Variants in CSGALNACT1 observed in about 807,000 individuals in gnomAD.
CSGALNACT1 encodes beta4GalNAcT-1.
A neutral mutation model predicts 51.0 loss-of-function variants in CSGALNACT1; 52 were observed. The observed-to-expected ratio is 1.02, with a 90% CI of 0.82 to 1.29. CSGALNACT1 has a LOEUF of 1.29. Among genes scored for constraint, CSGALNACT1 ranks in the 50% most tolerant of loss-of-function variants. The probability of loss-of-function intolerance (pLI) is 0.00; values close to 1 mark genes in which losing one functional copy is unlikely to be tolerated. For synonymous variants in CSGALNACT1, 341 were observed against 254.4 expected (o/e 1.34, Z -3.24); for missense variants, 935 against 679.2 (o/e 1.38, Z -4.19).
chr8:19,623,485 G>A (rs1029545641), intron 1 of CSGALNACT1, among the ~76,000 whole-genome samples: 1 of 152,054 alleles, frequency 6.6e-6, no homozygotes, highest in Non-Finnish European at 1.5e-5. Flanking sequence ...TTTAAGAATT[G>A]AACAATACTA....
At chr8:19,558,855 G>A (rs1033582772) in intron 3 of CSGALNACT1, among the ~76,000 whole-genome samples, 1 of 152,108 alleles carries the variant, frequency 6.6e-6, no homozygotes, top group Non-Finnish European at 1.5e-5. Context: ...TTCTTGGGAA[G>A]ATATTTTGCA....
chr8:19,539,752 T>C (rs2084646884), intron 3 of CSGALNACT1, among the ~76,000 whole-genome samples: 1 of 152,188 alleles, frequency 6.6e-6, no homozygotes, highest in Non-Finnish European at 1.5e-5. Context: ...ACTAAAAATG[T>C]TGGCCACATT....
intron 3 of CSGALNACT1, among the ~76,000 whole-genome samples, chr8:19,547,947 G>C (rs1429529519): frequency 6.6e-6 from 1 of 152,152 alleles, no homozygotes; most frequent in Admixed American, 6.6e-5. Flanking sequence ...AGAGGAGAGA[G>C]CAGCTGCCAT....
chr8:19,560,950 A>C (rs992857370), intron 3 of CSGALNACT1, among the ~76,000 whole-genome samples: 1 of 152,228 alleles, frequency 6.6e-6, no homozygotes, highest in Admixed American at 6.5e-5. Context: ...TTCACTATAC[A>C]GCAGCAAAAT....
intron 3 of CSGALNACT1, among the ~76,000 whole-genome samples, chr8:19,573,892 T>C (rs1041909351): frequency 1.3e-5 from 2 of 152,214 alleles, no homozygotes; most frequent in African/African-American, 4.8e-5. Flanking sequence ...GGTTCCATCA[T>C]AAGCTGGCAA....
At chr8:19,629,228 G>T (rs1469476873) in intron 1 of CSGALNACT1, among the ~76,000 whole-genome samples, 2 of 152,128 alleles carry the variant, frequency 1.3e-5, no homozygotes, top group African/African-American at 4.8e-5. Flanking sequence ...ATTAAAAAAC[G>T]TTTTCCTGGT....
In CSGALNACT1 at chr8:19,596,955, A is replaced by G. The variant is rs148092285; in HGVS notation, c.-416+4816T>C. ...TGCAACCAAACTCCACATCTTTTTC[A>G]TCTTGCATAACTGTAACTCCGTACC... is the stretch of plus-strand genomic sequence containing the variant. On this transcript the variant is annotated intron_variant, in intron 2 of 9. Transcript: ENST00000454498. 6.0e-3 allele frequency among the ~76,000 whole-genome samples: 910 copies of G among 152,264 alleles called. 9 individuals carry two copies. The highest frequency in any genetic ancestry group is 0.021 in the African/African-American group (866 of 41,550).
chr8:19,492,040 A>C (rs1344367139), intron 4 of CSGALNACT1, among the ~76,000 whole-genome samples: 1 of 152,246 alleles, frequency 6.6e-6, no homozygotes, highest in African/African-American at 2.4e-5. Flanking sequence ...TCATAACTTA[A>C]GTAGGTTCAG....
intron 3 of CSGALNACT1, among the ~76,000 whole-genome samples, chr8:19,535,764 T>C (rs1161620775): frequency 1.3e-5 from 2 of 152,152 alleles, no homozygotes; most frequent in Non-Finnish European, 2.9e-5. Flanking sequence ...AAAAAACATT[T>C]GAAAAACTTC....
chr8:19,645,278 G>A (rs1456299791), intron 1 of CSGALNACT1, among the ~76,000 whole-genome samples: 1 of 152,150 alleles, frequency 6.6e-6, no homozygotes, highest in Non-Finnish European at 1.5e-5. Context: ...ATGATGCAAC[G>A]GTATTAACAT....
chr8:19,631,604 T>C (rs550068118), intron 1 of CSGALNACT1, among the ~76,000 whole-genome samples: 7 of 152,354 alleles, frequency 4.6e-5, no homozygotes, highest in Non-Finnish European at 7.4e-5. Flanking sequence ...AAGGCTGATA[T>C]TACTTACTAC....
chr8:19,680,597 T>A (rs1444833308), intron 1 of CSGALNACT1, among the ~76,000 whole-genome samples: 1 of 117,408 alleles, frequency 8.5e-6, no homozygotes, highest in Non-Finnish European at 1.6e-5. Context: ...AAGAGAATAG[T>A]GCAAATTTTA....
intron 2 of CSGALNACT1, among the ~76,000 whole-genome samples, chr8:19,594,766 G>C (rs1365990097): frequency 1.3e-5 from 2 of 151,626 alleles, no homozygotes; most frequent in Admixed American, 1.3e-4. Context: ...CAGCCAGGCT[G>C]GTCTCGAACT....
chr8:19,701,353 C>A lies in CSGALNACT1; in HGVS notation c.-297+56497G>T, dbSNP rs148112156. On this transcript the variant is annotated intron_variant, in intron 1 of 1. Coordinates refer to the CSGALNACT1 transcript ENST00000517494. ...ATTTTTAGTAGACAAGGGGTTTCAC[C>A]ATGTTGGCCAGGCTGGCCTCAAACT... Among the ~76,000 whole-genome samples, 87 of 151,102 alleles carry A rather than the reference C, an allele frequency of 5.8e-4. 2 individuals are homozygous for A. The East Asian group carries it at 0.016, about 28-fold the overall frequency.
chr8:19,569,645 G>A (rs748388538), intron 3 of CSGALNACT1, among the ~76,000 whole-genome samples: 67 of 152,200 alleles, frequency 4.4e-4, no homozygotes, highest in Middle Eastern at 3.4e-3. Context: ...TGGTAGAGTC[G>A]AAATTGATAT....
At chr8:19,499,722 C>G (rs1371126234) in intron 4 of CSGALNACT1, among the ~76,000 whole-genome samples, 1 of 152,202 alleles carries the variant, frequency 6.6e-6, no homozygotes, top group Non-Finnish European at 1.5e-5. Flanking sequence ...CTTCTGTCCC[C>G]TCCACCTCGG....
At chr8:19,451,546 C>T (rs1368289817) in intron 5 of CSGALNACT1, among the ~76,000 whole-genome samples, 1 of 152,152 alleles carries the variant, frequency 6.6e-6, no homozygotes, top group African/African-American at 2.4e-5. Context: ...CCCCAAGCAC[C>T]GTTCTAGAGC....
At chr8:19,604,914 C>CAAAA (rs576342135), upstream of CSGALNACT1, among the ~76,000 whole-genome samples, 1 of 64,440 alleles carries the variant, frequency 1.6e-5, no homozygotes, top group African/African-American at 5.0e-5. Flanking sequence ...GACTCTGTCT[C>CAAAA]AAAAAAAAAA....
At chr8:19,635,510 C>T (rs1406995477) in intron 1 of CSGALNACT1, among the ~76,000 whole-genome samples, 8 of 152,156 alleles carry the variant, frequency 5.3e-5, no homozygotes, top group South Asian at 2.1e-4. Flanking sequence ...GGGTGAACCT[C>T]GGCTGCTTCT....
Sources: gnomAD v4.1 joint callset for allele counts (sites outside exome capture counted in the v4.1 genomes callset) on GRCh38, gnomAD v4.1.1 for gene constraint, MANE v1.5 for transcripts, NCBI Gene and HGNC (gene_info 2026-07-23, HGNC 2026-07-21) for gene names.